The following FGGY variants were observed in gnomAD, a reference collection of about 807,000 sequenced individuals.
The protein encoded by FGGY is FGGY carbohydrate kinase domain containing.
In FGGY, 72 loss-of-function variants were observed where a neutral mutation model predicts 71.3. The observed-to-expected ratio is 1.01, with a 90% CI of 0.84 to 1.23. The LOEUF (loss-of-function observed/expected upper bound fraction) is 1.23, where lower values mean the gene tolerates loss of function less well. Among genes scored for constraint, FGGY ranks in the 50% most tolerant of loss-of-function variants. FGGY has a pLI of 0.00. For synonymous variants in FGGY, 251 were observed against 250.3 expected, an observed-to-expected ratio of 1.00 and a Z score of -0.02; for missense variants, 668 against 682.3, an observed-to-expected ratio of 0.98 and a Z score of 0.23.
In FGGY at chr1:59,762,680, A is replaced by T; in HGVS notation, c.*96A>T. ...TTCAAGACCCTTGAGGTATTGTTTC[A>T]TCATTTCTGTATTGTCTTTCAATAA... is the stretch of plus-strand genomic sequence containing the variant. On this transcript the variant is annotated 3_prime_UTR_variant, in exon 16 of 16. Coordinates refer to ENST00000303721, the MANE Select transcript of FGGY (RefSeq NM_018291.5). 2.3e-6 allele frequency: 2 copies of T among 875,834 alleles called. No homozygotes were observed. Among genetic ancestry groups the T allele is most frequent in the African/African-American group, 1.7e-5 (1 of 59,122 alleles). The allele number at this position is 875,834 out of a possible 1,614,324, so 54.3% of individuals were successfully genotyped here.
chr1:59,727,425 A>G (rs1007450946), intron 14 of FGGY, among the ~76,000 whole-genome samples: 2 of 152,150 alleles, frequency 1.3e-5, no homozygotes, highest in Admixed American at 1.3e-4. Context: ...GGATTGTTAC[A>G]TTGAATGGTA....
At chr1:59,556,438 C>A (rs771489628) in intron 8 of FGGY, among the ~76,000 whole-genome samples, 1 of 152,178 alleles carries the variant, frequency 6.6e-6, no homozygotes, top group Non-Finnish European at 1.5e-5. Context: ...GTAGAAAAGT[C>A]CAGTAATTTT....
intron 10 of FGGY, among the ~76,000 whole-genome samples, chr1:59,633,347 TAAAAG>T (rs1456362311): frequency 2.6e-5 from 4 of 152,118 alleles, no homozygotes; most frequent in Non-Finnish European, 5.9e-5. Flanking sequence ...TGCATGCAAA[TAAAAG>T]AAAGTGCTCA....
intron 7 of FGGY, among the ~76,000 whole-genome samples, chr1:59,539,092 G>C (rs56162466): frequency 0.17 from 25,296 of 152,156 alleles, 2,501 homozygotes; most frequent in South Asian, 0.34. Context: ...CATCTATGCA[G>C]AAAGGTATAA....
intron 14 of FGGY, among the ~76,000 whole-genome samples, chr1:59,691,823 A>G (rs2097591286): frequency 6.6e-6 from 1 of 152,050 alleles, no homozygotes; most frequent in South Asian, 2.1e-4. Flanking sequence ...TTGGATTTGT[A>G]AAAAACCCCT....
intron 9 of FGGY, among the ~76,000 whole-genome samples, chr1:59,624,518 G>A (rs12059350): frequency 0.029 from 4,484 of 152,206 alleles, 227 homozygotes; most frequent in African/African-American, 0.1. Flanking sequence ...CACTATAGTA[G>A]TGTATTAGTC....
At chr1:59,503,977 A>T (rs984364110) in intron 6 of FGGY, among the ~76,000 whole-genome samples, 2 of 152,124 alleles carry the variant, frequency 1.3e-5, no homozygotes, top group African/African-American at 2.4e-5. Context: ...GCCTAGTGGA[A>T]AGAATGCTAC....
chr1:59,740,104 G>A (rs1009593436), intron 14 of FGGY, among the ~76,000 whole-genome samples: 2 of 152,168 alleles, frequency 1.3e-5, no homozygotes, highest in African/African-American at 4.8e-5. Flanking sequence ...CAGGCTAAGA[G>A]GTTGTAATGG....
chr1:59,316,029 A>T (rs540848023), intron 1 of FGGY: 3 of 152,166 alleles, frequency 2.0e-5, no homozygotes, highest in Non-Finnish European at 2.9e-5. Context: ...CTCATTTCAA[A>T]TTTTTCCACC....
chr1:59,679,946 T>C (rs11207502), intron 14 of FGGY, among the ~76,000 whole-genome samples: 24,521 of 152,148 alleles, frequency 0.16, 2,587 homozygotes, highest in Non-Finnish European at 0.23. Flanking sequence ...TCCTAAATTA[T>C]CTCTATAAAA....
At chr1:59,561,112 G>T (rs2095786593) in intron 8 of FGGY, among the ~76,000 whole-genome samples, 2 of 152,154 alleles carry the variant, frequency 1.3e-5, no homozygotes, top group African/African-American at 4.8e-5. Flanking sequence ...TGAGAAGAGT[G>T]GGCAAGTGGG....
intron 3 of FGGY, among the ~76,000 whole-genome samples, chr1:59,344,271 A>G (rs549887121): frequency 1.7e-4 from 25 of 150,462 alleles, no homozygotes; most frequent in Admixed American, 1.2e-3. Context: ...CCATGACCTT[A>G]TTTAGGTATC....
intron 5 of FGGY, among the ~76,000 whole-genome samples, chr1:59,398,064 T>G (rs766727948): frequency 6.6e-6 from 1 of 152,092 alleles, no homozygotes; most frequent in Non-Finnish European, 1.5e-5. Flanking sequence ...GCCAGCTGCT[T>G]CTTCTGGTCT....
chr1:59,406,687 A>G (rs1234725611), intron 5 of FGGY, among the ~76,000 whole-genome samples: 1 of 152,174 alleles, frequency 6.6e-6, no homozygotes, highest in Non-Finnish European at 1.5e-5. Context: ...CCTTAGGAAC[A>G]ATGGTCCAGT....
intron 5 of FGGY, among the ~76,000 whole-genome samples, chr1:59,419,390 G>T (rs1030082362): frequency 6.6e-6 from 1 of 152,156 alleles, no homozygotes; most frequent in Non-Finnish European, 1.5e-5. Context: ...CCACCAAGCT[G>T]ATAATTCTTA....
intron 1 of FGGY, chr1:59,310,208 G>C (rs1395685317): frequency 6.6e-6 from 1 of 152,214 alleles, no homozygotes; most frequent in African/African-American, 2.4e-5. Flanking sequence ...TTTAATTTGA[G>C]TGACTTTCTG....
intron 6 of FGGY, among the ~76,000 whole-genome samples, chr1:59,464,777 T>G (rs943861647): frequency 2.6e-5 from 4 of 152,074 alleles, no homozygotes; most frequent in Non-Finnish European, 4.4e-5. Flanking sequence ...CTGGAAGAAA[T>G]GGATAAATTC....
intron 7 of FGGY, among the ~76,000 whole-genome samples, chr1:59,548,471 A>G (rs960535487): frequency 2.0e-5 from 3 of 152,188 alleles, no homozygotes; most frequent in African/African-American, 4.8e-5. Context: ...TTCTTCAGAT[A>G]TGGAAATTGA....
chr1:59,501,579 G>A (rs935980966), intron 6 of FGGY, among the ~76,000 whole-genome samples: 2 of 152,206 alleles, frequency 1.3e-5, no homozygotes, highest in Non-Finnish European at 2.9e-5. Context: ...GGTCTTGAAA[G>A]CATTGGACAT....
Sources: allele counts gnomAD v4.1 joint callset (sites outside exome capture counted in the v4.1 genomes callset), GRCh38; gene constraint gnomAD v4.1.1; transcripts MANE v1.5; gene names NCBI Gene and HGNC (gene_info 2026-07-23, HGNC 2026-07-21).